The following MORC3 variants were observed in gnomAD, a reference collection of about 807,000 sequenced individuals.
The protein encoded by MORC3 is MORC family CW-type zinc finger 3, also known as MORC family CW-type zinc finger protein 3.
In MORC3, 31 loss-of-function variants were observed where a neutral mutation model predicts 109.1. That is an observed-to-expected ratio of 0.28 (90% confidence interval 0.21 to 0.38). The LOEUF (loss-of-function observed/expected upper bound fraction) is 0.38. Ranked by LOEUF, MORC3 falls within the 10% of genes least tolerant of loss-of-function variation. MORC3 has a pLI of 1.00. For missense variants in MORC3, 867 were observed against 1,135.8 expected (o/e 0.76, Z 3.40); for synonymous variants, 395 against 380.7 (o/e 1.04, Z -0.44).
At chr21:36,327,155 C>CT (rs71326674) in intron 1 of MORC3, among the ~76,000 whole-genome samples, 3,108 of 81,890 alleles carry the variant, frequency 0.038, 477 homozygotes, top group African/African-American at 0.11. Flanking sequence ...GGCTTTATTT[C>CT]TTTTTTTTTT....
Position 36,342,056 on chromosome 21 carries a change from C to T in MORC3, c.756+510C>T, listed in dbSNP as rs544213515. On this transcript the variant is annotated intron_variant, in intron 6 of 16. Coordinates refer to ENST00000400485, the MANE Select transcript of MORC3 (RefSeq NM_015358.3). Reference sequence around the variant, plus strand: ...GCCTGGCCAAGATGGTCTTGAACTCCGTCTCTACTAAAAATGCAAAAATTA... The same window carrying T: ...GCCTGGCCAAGATGGTCTTGAACTCTGTCTCTACTAAAAATGCAAAAATTA... Among the ~76,000 whole-genome samples the T allele has an allele frequency of 4.1e-3, 627 of 152,118 alleles. 6 individuals are homozygous for T. The highest frequency in any genetic ancestry group is 0.015 in the African/African-American group (606 of 41,510).
chr21:36,372,299 A>C (rs543526915), intron 15 of MORC3, 75 bp from the exon 16 acceptor site: 1 of 1,344,464 alleles, frequency 7.4e-7, no homozygotes, highest in East Asian at 2.5e-5. Flanking sequence ...GGTTCTCTAT[A>C]TTAGCTTGAA....
At chr21:36,345,524 C>T (rs1325467457) in intron 8 of MORC3, among the ~76,000 whole-genome samples, 1 of 150,982 alleles carries the variant, frequency 6.6e-6, no homozygotes, top group East Asian at 2.0e-4. Flanking sequence ...TGGGTTCAAG[C>T]AATTCTCCTG....
chr21:36,338,739 A>G lies in MORC3; in HGVS notation c.461-35A>G, dbSNP rs189895571. 2.2e-4 allele frequency: 344 copies of G among 1,552,762 alleles called. 2 individuals are homozygous for G. In the Admixed American group the frequency reaches 5.6e-3, roughly 25 times the overall value. On this transcript the variant is annotated intron_variant, in intron 4 of 16. Transcript: ENST00000400485. Reference sequence around the variant, plus strand: ...TTTTCATATTGTAATTATGAAAACTATGTTGTCAATCTGAGTCTTTAACTT... The same window carrying G: ...TTTTCATATTGTAATTATGAAAACTGTGTTGTCAATCTGAGTCTTTAACTT...
In MORC3 at chr21:36,320,313, C is replaced by G; in HGVS notation, c.39+10C>G. ...GATACGCCTCAGCGCGGTGAGCAGC[C>G]GCGAGGGGTGGAGCGGGCCGTGTCC... On this transcript the variant is annotated intron_variant, in intron 1 of 16. Transcript: ENST00000400485. 2 of 1,517,684 alleles carry G rather than the reference C, an allele frequency of 1.3e-6. No homozygotes were observed. Among genetic ancestry groups the G allele is most frequent in the Non-Finnish European group, 1.8e-6 (2 of 1,129,288 alleles). The allele number at this position is 1,517,684 out of a possible 1,614,324, so 94.0% of individuals were successfully genotyped here. A position where few individuals can be genotyped will look rare whatever the true frequency, so the allele number is the denominator to read the frequency against.
Position 36,364,086 on chromosome 21 carries a change from C to T in MORC3, c.1453-7C>T. 6.2e-7 allele frequency: 1 copy of T among 1,609,746 alleles called. No homozygotes were observed. Reference sequence around the variant, plus strand: ...TCCTTTAAGGTGATGATTTTTCCCTCCAACAGATTAATGCTGAACTGTTGT... The same window carrying T: ...TCCTTTAAGGTGATGATTTTTCCCTTCAACAGATTAATGCTGAACTGTTGT... On this transcript the variant is annotated splice_region_variant and splice_polypyrimidine_tract_variant and intron_variant, in intron 13 of 16. Coordinates refer to ENST00000400485, the MANE Select transcript of MORC3 (RefSeq NM_015358.3).
chr21:36,332,477 A>G (rs1312198300), intron 1 of MORC3, among the ~76,000 whole-genome samples: 2 of 152,200 alleles, frequency 1.3e-5, no homozygotes, highest in East Asian at 3.8e-4. Context: ...AACAGGTTCT[A>G]AGCACTCTGG....
intron 1 of MORC3, among the ~76,000 whole-genome samples, chr21:36,328,454 G>A (rs1043385428): frequency 4.1e-5 from 6 of 147,660 alleles, no homozygotes; most frequent in African/African-American, 7.4e-5. Context: ...TGATTCTCCC[G>A]CTTCAGCCTC....
chr21:36,346,971 ACTCCAGC>A (rs951956489), intron 8 of MORC3, among the ~76,000 whole-genome samples: 3 of 149,760 alleles, frequency 2.0e-5, no homozygotes, highest in African/African-American at 7.4e-5. Flanking sequence ...TTGCCCCTGT[ACTCCAGC>A]CTGGGCAACA....
chr21:36,343,119 G>A lies in MORC3; in HGVS notation c.757-1460G>A, dbSNP rs1196171669. 3.3e-5 allele frequency among the ~76,000 whole-genome samples: 5 copies of A among 151,962 alleles called. No individual in the cohort carries two copies. The East Asian group carries it at 9.7e-4, about 29-fold the overall frequency. On this transcript the variant is annotated intron_variant, in intron 6 of 16. Transcript: ENST00000400485. ...TTTTTTTGTTTGTTTGTTTGAGACG[G>A]AGTTTTGTTCTTGTTGCCCAGGCTG...
At chr21:36,334,859 AGTT>A (rs1426325335) in intron 2 of MORC3, among the ~76,000 whole-genome samples, 1 of 152,124 alleles carries the variant, frequency 6.6e-6, no homozygotes, top group African/African-American at 2.4e-5. Context: ...CTGGGCACAC[AGTT>A]GTTCACACCT....
chr21:36,360,118 A>C, intron 11 of MORC3, 41 bp downstream of exon 11: 1 of 1,614,174 alleles, frequency 6.2e-7, no homozygotes, highest in East Asian at 2.2e-5. Context: ...AAAGACGGAA[A>C]GTACTGTTCA....
At chr21:36,360,311 G>A in intron 12 of MORC3, 53 bp downstream of exon 12, 1 of 1,506,942 alleles carries the variant, frequency 6.6e-7, no homozygotes. Context: ...CATGAACAGT[G>A]ATGCCTTGGC....
chr21:36,369,805 G>C lies in MORC3; in HGVS notation c.2437G>C (p.Ala813Pro). 1.9e-6 allele frequency: 3 copies of C among 1,614,158 alleles called. No homozygotes were observed. Among genetic ancestry groups the C allele is most frequent in the Non-Finnish European group, 2.5e-6 (3 of 1,180,042 alleles). ...NESKSEMDEM[A>P]VQLDDVFRQL... Reference sequence around the variant, plus strand: ...GAGTAAAAGTGAAATGGATGAGATGGCTGTGCAGCTTGACGATGTGTTTAG... The same window carrying C: ...GAGTAAAAGTGAAATGGATGAGATGCCTGTGCAGCTTGACGATGTGTTTAG... Residue 813 changes from alanine (A) to proline (P), a missense_variant, in exon 15 of 17, where the codon GCT (alanine) becomes CCT (proline). Physicochemically the swap from Ala to Pro is conservative, Grantham distance 27 (BLOSUM62 -1). Around this residue, in one of 7 missense-constraint regions of MORC3, gnomAD observed 486 missense variants for 502.1 expected, o/e 0.97. Transcript: ENST00000400485.
chr21:36,339,008 G>A, intron 5 of MORC3, 87 bp downstream of exon 5: 1 of 1,410,836 alleles, frequency 7.1e-7, no homozygotes, highest in Non-Finnish European at 9.7e-7. Flanking sequence ...GTTACACACA[G>A]TAGAAATACA....
At chr21:36,349,671 G>T (rs899394397) in intron 9 of MORC3, among the ~76,000 whole-genome samples, 1 of 152,188 alleles carries the variant, frequency 6.6e-6, no homozygotes, top group Non-Finnish European at 1.5e-5. Flanking sequence ...AATCCACAAG[G>T]TGGCAAAACA....
At position 36,349,345 on chromosome 21, in the gene MORC3, T is replaced by G; in HGVS notation, c.1040T>G (p.Ile347Arg). The change falls in exon 9 of 17, where the codon ATA becomes AGA. Residue 347 changes from isoleucine (I) to arginine (R), a missense_variant. Ile to Arg is a moderately conservative substitution (Grantham distance 97, BLOSUM62 -3). Around this residue, in one of 7 missense-constraint regions of MORC3, gnomAD observed 120 missense variants for 259.7 expected, o/e 0.46. Transcript: ENST00000400485. The part of the protein sequence containing the change: ...NNMGVGVVGI[I>R]ECNFLKPTHN... ...ATGGGTGTTGGAGTGGTTGGAATTA[T>G]AGAGTGTAATTTCCTTAAGCCAACT... 1 of 1,611,468 alleles carries G rather than the reference T, an allele frequency of 6.2e-7. No homozygotes were observed. Among genetic ancestry groups the G allele is most frequent in the Non-Finnish European group, 8.5e-7 (1 of 1,179,188 alleles).
chr21:36,368,025 G>A (rs561836900), intron 14 of MORC3, among the ~76,000 whole-genome samples: 1 of 152,176 alleles, frequency 6.6e-6, no homozygotes, highest in South Asian at 2.1e-4. Flanking sequence ...ATATGAGACA[G>A]TCCAAAAAAG....
intron 13 of MORC3, 118 bp from the exon 14 acceptor site, chr21:36,363,975 G>A (rs779751619): frequency 8.1e-6 from 9 of 1,106,612 alleles, no homozygotes; most frequent in Non-Finnish European, 1.2e-5. Flanking sequence ...GAATTTACAT[G>A]TTTGGAATTG....
Sources: allele counts gnomAD v4.1 joint callset (sites outside exome capture counted in the v4.1 genomes callset), GRCh38; gene constraint gnomAD v4.1.1; regional missense constraint gnomAD v4.1.1; transcripts MANE v1.5; gene names NCBI Gene and HGNC (gene_info 2026-07-23, HGNC 2026-07-21).